The following DCDC2 variants were observed in gnomAD, a reference collection of about 807,000 sequenced individuals.
DCDC2 encodes the protein doublecortin domain containing 2, also known as doublecortin domain-containing protein 2.
DCDC2 carries 40 observed loss-of-function variants against 50.2 expected under a neutral mutation model. The observed-to-expected ratio is 0.80, with a 90% confidence interval of 0.62 to 1.04. The LOEUF is 1.04. Among genes scored for constraint, DCDC2 ranks in the 50% least tolerant of loss-of-function variants. DCDC2 has a pLI of 0.00. For synonymous variants in DCDC2, 234 were observed against 210.6 expected (o/e 1.11, Z -0.96); for missense variants, 570 against 581.9 (o/e 0.98, Z 0.21).
At chr6:24,382,360 A>T in the DCDC2 span, among the ~76,000 whole-genome samples, 1 of 152,160 alleles carries the variant, frequency 6.6e-6, no homozygotes, top group Admixed American at 6.5e-5. Flanking sequence ...ATAATCACTA[A>T]GTAAACAGGT....
chr6:24,249,665 A>G (rs9358760), intron 7 of DCDC2, among the ~76,000 whole-genome samples: 9,821 of 152,286 alleles, frequency 0.064, 552 homozygotes, highest in East Asian at 0.25. Flanking sequence ...GGGAGTAAAG[A>G]CAGATTTAGT....
intron 7 of DCDC2, among the ~76,000 whole-genome samples, chr6:24,234,720 AT>A (rs1393936229): frequency 6.6e-6 from 1 of 152,224 alleles, no homozygotes; most frequent in Non-Finnish European, 1.5e-5. Context: ...ATCAAGCGAT[AT>A]AGACAGTTTT....
At chr6:24,296,857 T>C (rs1759259953) in intron 4 of DCDC2, among the ~76,000 whole-genome samples, 1 of 152,202 alleles carries the variant, frequency 6.6e-6, no homozygotes, top group Non-Finnish European at 1.5e-5. Flanking sequence ...GCTTATACAC[T>C]ACTGGCAGAG....
chr6:24,265,045 A>C (rs901140689), intron 7 of DCDC2, among the ~76,000 whole-genome samples: 8 of 152,218 alleles, frequency 5.3e-5, no homozygotes. Context: ...TCACACCTGT[A>C]ATCCCAGCAC....
intron 9 of DCDC2, among the ~76,000 whole-genome samples, chr6:24,175,278 T>C (rs1306541367): frequency 1.3e-5 from 2 of 152,108 alleles, no homozygotes; most frequent in Non-Finnish European, 2.9e-5. Flanking sequence ...AAGTAGCAAG[T>C]AGATAAGAAA....
intron 7 of DCDC2, among the ~76,000 whole-genome samples, chr6:24,220,257 T>C (rs1420135197): frequency 6.6e-6 from 1 of 152,242 alleles, no homozygotes; most frequent in Admixed American, 6.5e-5. Flanking sequence ...TGTAATTTCA[T>C]TAATTTCATG....
In DCDC2 at chr6:24,278,765, G is replaced by A. The variant is rs557032060; in HGVS notation, c.760-554C>T. ...GATCAATTAATCTACAAATACCTTC[G>A]TAACAAGTTGTCGCTATGGGTGTAT... On this transcript the variant is annotated intron_variant, in intron 6 of 9. Transcript: ENST00000378454. 1.2e-4 allele frequency among the ~76,000 whole-genome samples: 19 copies of A among 152,224 alleles called. 1 individual carries two copies. The highest frequency in any genetic ancestry group is 3.1e-4 in the African/African-American group (13 of 41,518).
intron 2 of DCDC2, among the ~76,000 whole-genome samples, chr6:24,342,063 C>T (rs778284502): frequency 9.2e-5 from 14 of 152,218 alleles, no homozygotes; most frequent in African/African-American, 1.7e-4. Context: ...AAAGCATCCT[C>T]ACAGATGACT....
upstream of DCDC2, among the ~76,000 whole-genome samples, chr6:24,358,741 T>TGTTA (rs1305322147): frequency 8.8e-3 from 19 of 2,156 alleles, no homozygotes; most frequent in Non-Finnish European, 0.084. Flanking sequence ...TTTATATATA[T>TGTTA]TTTATTTATT....
chr6:24,219,115 G>T (rs1244790996), intron 7 of DCDC2, among the ~76,000 whole-genome samples: 1 of 151,958 alleles, frequency 6.6e-6, no homozygotes, highest in Non-Finnish European at 1.5e-5. Flanking sequence ...CTTTTATTTT[G>T]TTGTTATATT....
the DCDC2 span, among the ~76,000 whole-genome samples, chr6:24,367,875 A>C: frequency 3.3e-5 from 5 of 152,214 alleles, no homozygotes; most frequent in Non-Finnish European, 7.3e-5. Context: ...CACAGGCAGA[A>C]TGTAAAATAA....
chr6:24,281,579 CTATA>C (rs10531442), intron 6 of DCDC2, among the ~76,000 whole-genome samples: 4 of 149,032 alleles, frequency 2.7e-5, no homozygotes, highest in Non-Finnish European at 5.9e-5. Flanking sequence ...ACATAATACA[CTATA>C]TATATAAATT....
At chr6:24,265,088 C>G (rs1763090766) in intron 7 of DCDC2, among the ~76,000 whole-genome samples, 1 of 151,948 alleles carries the variant, frequency 6.6e-6, no homozygotes, top group Non-Finnish European at 1.5e-5. Context: ...ATCACTTGAG[C>G]CCAGGAGTTC....
chr6:24,275,308 G>A (rs1763328363), intron 7 of DCDC2, among the ~76,000 whole-genome samples: 1 of 152,182 alleles, frequency 6.6e-6, no homozygotes, highest in Admixed American at 6.5e-5. Flanking sequence ...TCTGCAGGGA[G>A]ATCCCATTAA....
At chr6:24,208,436 T>A (rs866680730) in intron 7 of DCDC2, among the ~76,000 whole-genome samples, 1 of 135,908 alleles carries the variant, frequency 7.4e-6, no homozygotes, top group African/African-American at 2.8e-5. Context: ...AGTGGCGCAA[T>A]CTCCGCTCAC....
chr6:24,333,377 C>T (rs1760001673), intron 2 of DCDC2, among the ~76,000 whole-genome samples: 1 of 152,150 alleles, frequency 6.6e-6, no homozygotes, highest in Non-Finnish European at 1.5e-5. Context: ...CCAGAACACA[C>T]ATAGTATCTT....
At chr6:24,353,216 A>G (rs1281665537) in intron 2 of DCDC2, 1 of 457,024 alleles carries the variant, frequency 2.2e-6, no homozygotes, top group Non-Finnish European at 4.5e-6. Flanking sequence ...TCAGAGGCAC[A>G]TTAGGATGAG....
At position 24,205,061 on chromosome 6, in the gene DCDC2, G is replaced by C; in HGVS notation, c.964C>G (p.Arg322Gly). ...FKAGAERSET[R>G]GAAEVQEDED... Reference sequence around the variant, plus strand: ...TCTTCTTGGACTTCTGCTGCCCCCCGTGTTTCAGACCTCTCTGCTCCAGCT... The same window carrying C: ...TCTTCTTGGACTTCTGCTGCCCCCCCTGTTTCAGACCTCTCTGCTCCAGCT... The change falls in exon 8 of 10, where the codon CGG becomes GGG. Residue 322 changes from arginine (R) to glycine (G), a missense_variant. Physicochemically the swap from Arg to Gly is moderately radical, Grantham distance 125. Coordinates refer to ENST00000378454, the MANE Select transcript of DCDC2 (RefSeq NM_016356.5). 1 of 1,614,010 alleles carries C rather than the reference G, an allele frequency of 6.2e-7. No individual in the cohort carries two copies. The highest frequency in any genetic ancestry group is 8.5e-7 in the Non-Finnish European group (1 of 1,179,970).
At chr6:24,219,044 G>A (rs1762042428) in intron 7 of DCDC2, among the ~76,000 whole-genome samples, 2 of 152,038 alleles carry the variant, frequency 1.3e-5, no homozygotes, top group African/African-American at 2.4e-5. Context: ...TCTTTTATTG[G>A]ATTTCTTATT....
Sources: gnomAD v4.1 joint callset for allele counts (sites outside exome capture counted in the v4.1 genomes callset) on GRCh38, gnomAD v4.1.1 for gene constraint, MANE v1.5 for transcripts, NCBI Gene and HGNC (gene_info 2026-07-23, HGNC 2026-07-21) for gene names.